COL4A6: variants seen among roughly 807,000 people sequenced by gnomAD.
COL4A6 encodes the protein collagen alpha-6(IV) chain.
A neutral mutation model predicts 126.7 loss-of-function variants in COL4A6; 59 were observed. The ratio of observed to expected loss-of-function variants is 0.47; its 90% confidence interval spans 0.38 to 0.58. The LOEUF (loss-of-function observed/expected upper bound fraction) is 0.58, where lower values mean the gene tolerates loss of function less well. COL4A6 is among the 20% of genes least tolerant of loss of function. The probability of loss-of-function intolerance (pLI) is 0.00; values close to 1 mark genes in which losing one functional copy is unlikely to be tolerated. For synonymous variants in COL4A6, 547 were observed against 496.6 expected (o/e 1.10, Z -1.35); for missense variants, 1,285 against 1,337.3 (o/e 0.96, Z 0.61).
chrX:108,282,020 T>A (rs1417157694), intron 3 of COL4A6, among the ~76,000 whole-genome samples: 1 of 110,961 alleles, frequency 9.0e-6, no homozygotes, highest in Non-Finnish European at 1.9e-5. Flanking sequence ...GACTGAAACG[T>A]TAGACCTAAA....
chrX:108,202,860 C>T (rs2035426056), intron 13 of COL4A6, 68 bp downstream of exon 13: 8 of 894,456 alleles, frequency 8.9e-6, no homozygotes, highest in Non-Finnish European at 1.1e-5. Context: ...TTTCTGTTAG[C>T]CTTCTATTGC....
chrX:108,281,952 G>T (rs1393250686), intron 3 of COL4A6, among the ~76,000 whole-genome samples: 2 of 110,060 alleles, frequency 1.8e-5, no homozygotes, highest in African/African-American at 6.6e-5. Context: ...TATGTAGAAA[G>T]CTGAAACTGG....
At chrX:108,343,043 T>C (rs1331067628) in intron 2 of COL4A6, among the ~76,000 whole-genome samples, 1 of 105,523 alleles carries the variant, frequency 9.5e-6, no homozygotes, top group Non-Finnish European at 1.9e-5. Context: ...TGTGTAGATA[T>C]GAAGTTCAGT....
At chrX:108,303,920 GA>G (rs1281526559) in intron 3 of COL4A6, among the ~76,000 whole-genome samples, 6 of 111,791 alleles carry the variant, frequency 5.4e-5, no homozygotes, top group Non-Finnish European at 9.4e-5. Context: ...TTCAATACTA[GA>G]AAGCACGATA....
intron 20 of COL4A6, among the ~76,000 whole-genome samples, chrX:108,190,103 G>A (rs1023101073): frequency 8.9e-6 from 1 of 111,951 alleles, no homozygotes; most frequent in African/African-American, 3.3e-5. Context: ...TTACATCCTT[G>A]GTTTTGCAAA....
intron 2 of COL4A6, among the ~76,000 whole-genome samples, chrX:108,422,127 G>A (rs2063990740): frequency 9.0e-6 from 1 of 111,688 alleles, no homozygotes; most frequent in Admixed American, 9.5e-5. Flanking sequence ...TGTAATCCCA[G>A]CACTTAGGAA....
At chrX:108,389,710 G>T (rs1392521548) in intron 2 of COL4A6, among the ~76,000 whole-genome samples, 1 of 110,949 alleles carries the variant, frequency 9.0e-6, no homozygotes, top group Non-Finnish European at 1.9e-5. Flanking sequence ...TTTTAATTGG[G>T]GCATTTAGCT....
chrX:108,315,050 C>T (rs2038849642), intron 2 of COL4A6, among the ~76,000 whole-genome samples: 1 of 111,615 alleles, frequency 9.0e-6, no homozygotes, highest in Non-Finnish European at 1.9e-5. Context: ...TCAGGATGTC[C>T]ATTTGGATTT....
intron 3 of COL4A6, among the ~76,000 whole-genome samples, chrX:108,279,124 T>C (rs765080950): frequency 1.8e-5 from 2 of 111,775 alleles, no homozygotes; most frequent in South Asian, 3.8e-4. Flanking sequence ...CATGACAGGA[T>C]CAAATTCACA....
intron 42 of COL4A6, among the ~76,000 whole-genome samples, chrX:108,161,325 G>A (rs1324299842): frequency 8.9e-6 from 1 of 111,820 alleles, no homozygotes; most frequent in Non-Finnish European, 1.9e-5. Context: ...GTAAAGGGCA[G>A]GGGGCCATCT....
chrX:108,256,961 A>T (rs1269313204), intron 3 of COL4A6, among the ~76,000 whole-genome samples: 1 of 111,720 alleles, frequency 9.0e-6, no homozygotes, highest in East Asian at 2.8e-4. Context: ...AGAAAGGAGG[A>T]AGGCAGTTTA....
In COL4A6 at chrX:108,228,640, C is replaced by T. The variant is rs907328829; in HGVS notation, c.145-7266G>A. Among the ~76,000 whole-genome samples, 3 of 112,300 alleles carry T rather than the reference C, an allele frequency of 2.7e-5. No individual in the cohort carries two copies. In the South Asian group the frequency reaches 1.1e-3, roughly 42 times the overall value. On this transcript the variant is annotated intron_variant, in intron 3 of 44. Coordinates refer to ENST00000334504, the MANE Select transcript of COL4A6 (RefSeq NM_033641.4). ...GAAGGGGAAGCAAACATGTCCTTCA[C>T]ATGGTGGCAGCAAAGAGAGGTACAG...
chrX:108,435,051 T>G (rs1245722691), intron 2 of COL4A6, among the ~76,000 whole-genome samples: 1 of 111,286 alleles, frequency 9.0e-6, no homozygotes, highest in Admixed American at 9.6e-5. Flanking sequence ...CCTGGGCATG[T>G]TACAACTTTA....
At chrX:108,165,106 G>A (rs768951810) in intron 38 of COL4A6, 68 bp from the exon 39 acceptor site, 3 of 1,003,459 alleles carry the variant, frequency 3.0e-6, no homozygotes, top group African/African-American at 3.8e-5. Context: ...GAAGGCCTAG[G>A]GACTGACAGG....
intron 2 of COL4A6, among the ~76,000 whole-genome samples, chrX:108,422,343 G>T: frequency 9.0e-6 from 1 of 111,652 alleles, no homozygotes. Flanking sequence ...TCCAGCCTGG[G>T]CAATAGAGCA....
chrX:108,186,945 T>A (rs181227874), intron 23 of COL4A6, 151 bp downstream of exon 23: 1 of 458,817 alleles, frequency 2.2e-6, no homozygotes, highest in African/African-American at 2.5e-5. Flanking sequence ...ATTATAATAC[T>A]TTTTTTCACA....
intron 3 of COL4A6, among the ~76,000 whole-genome samples, chrX:108,305,506 C>T (rs549793122): frequency 9.0e-6 from 1 of 111,507 alleles, no homozygotes; most frequent in African/African-American, 3.3e-5. Context: ...TTTCATGATA[C>T]ATATTTGTGT....
At position 108,188,600 on chromosome X, in the gene COL4A6, A is replaced by T. The variant is rs751988400; in HGVS notation, c.1504T>A (p.Trp502Arg). ...PPGEPGPPGP[W>R]GLIGLPGLKG... ...AGGCCTGGAAGGCCTATGAGACCCC[A>T]TGGACCAGGTGGGCCTGGTTCCCCG... The change falls in exon 21 of 45, where the codon TGG becomes AGG. Residue 502 changes from tryptophan to arginine, a missense_variant. Physicochemically the swap from Trp to Arg is moderately radical, Grantham distance 101. Coordinates refer to ENST00000334504, the MANE Select transcript of COL4A6 (RefSeq NM_033641.4). 1 of 1,200,535 alleles carries T rather than the reference A, an allele frequency of 8.3e-7. No homozygotes were observed. The highest frequency in any genetic ancestry group is 1.1e-6 in the Non-Finnish European group (1 of 889,826).
intron 3 of COL4A6, among the ~76,000 whole-genome samples, chrX:108,227,113 C>CTGTT (rs2036188727): frequency 8.9e-6 from 1 of 111,835 alleles, no homozygotes; most frequent in Non-Finnish European, 1.9e-5. Flanking sequence ...GCTAGGTTGC[C>CTGTT]TGTTTATGTG....
Sources: allele counts gnomAD v4.1 joint callset (sites outside exome capture counted in the v4.1 genomes callset), GRCh38; gene constraint gnomAD v4.1.1; transcripts MANE v1.5; gene names NCBI Gene and HGNC (gene_info 2026-07-23, HGNC 2026-07-21).